Variants in GK5 observed in about 807,000 individuals in gnomAD.
GK5 encodes the protein glycerol kinase 5.
In GK5, 39 loss-of-function variants were observed where a neutral mutation model predicts 77.3. The observed-to-expected ratio is 0.50, with a 90% CI of 0.39 to 0.66. The LOEUF (loss-of-function observed/expected upper bound fraction) is 0.66, where lower values mean the gene tolerates loss of function less well. GK5 is among the 30% of genes least tolerant of loss of function. The pLI is 0.00. For missense variants in GK5, 487 were observed against 633.8 expected (o/e 0.77, Z 2.49); for synonymous variants, 211 against 208.0 (o/e 1.01, Z -0.13).
At chr3:142,212,322 C>A (rs1417324743) in intron 3 of GK5, among the ~76,000 whole-genome samples, 1 of 151,780 alleles carries the variant, frequency 6.6e-6, no homozygotes, top group African/African-American at 2.4e-5. Context: ...ATTGCTTGAG[C>A]CAAGGAATTC....
chr3:142,178,823 C>G (rs371181393), intron 11 of GK5, among the ~76,000 whole-genome samples: 1 of 152,162 alleles, frequency 6.6e-6, no homozygotes, highest in African/African-American at 2.4e-5. Context: ...CATTTAGAAC[C>G]AGCTTTAACA....
chr3:142,225,577 G>T lies in GK5; in HGVS notation c.-122C>A. 1 of 1,280,320 alleles carries T rather than the reference G, an allele frequency of 7.8e-7. No individual in the cohort carries two copies. Among genetic ancestry groups the T allele is most frequent in the Non-Finnish European group, 1.0e-6 (1 of 961,574 alleles). 79.3% of individuals were successfully genotyped at this position (1,280,320 alleles called of 1,614,324 possible). On this transcript the variant is annotated 5_prime_UTR_variant, in exon 1 of 16. Coordinates refer to ENST00000392993, the MANE Select transcript of GK5 (RefSeq NM_001039547.3). ...CAACCCGGCTCAGCCGGAGAGCCTAGAGAGGCCTGGCCCCTGCCGCCGGCT... is the reference window on the plus strand; with the variant it reads ...CAACCCGGCTCAGCCGGAGAGCCTATAGAGGCCTGGCCCCTGCCGCCGGCT...
chr3:142,174,267 A>G (rs961074844), intron 12 of GK5, among the ~76,000 whole-genome samples: 5 of 152,144 alleles, frequency 3.3e-5, no homozygotes, highest in African/African-American at 1.2e-4. Flanking sequence ...GAAATTCTAT[A>G]TTACATCTTA....
At chr3:142,196,178 A>G (rs1326629587) in intron 5 of GK5, among the ~76,000 whole-genome samples, 1 of 152,082 alleles carries the variant, frequency 6.6e-6, no homozygotes. Flanking sequence ...TAATATCCAT[A>G]ATTTCATAAT....
At chr3:142,169,819 T>C (rs1248248699) in intron 15 of GK5, among the ~76,000 whole-genome samples, 1 of 152,022 alleles carries the variant, frequency 6.6e-6, no homozygotes, top group Non-Finnish European at 1.5e-5. Context: ...ATTACAGGCA[T>C]GTGCCACCAT....
intron 10 of GK5, among the ~76,000 whole-genome samples, chr3:142,182,343 TAAG>T (rs1218747047): frequency 1.3e-5 from 2 of 151,958 alleles, no homozygotes; most frequent in Non-Finnish European, 2.9e-5. Context: ...AGAACCCTAG[TAAG>T]AAGATTTTTT....
intron 5 of GK5, among the ~76,000 whole-genome samples, chr3:142,195,572 G>A (rs2063922826): frequency 6.6e-6 from 1 of 152,062 alleles, no homozygotes; most frequent in African/African-American, 2.4e-5. Context: ...GGCTGGTCTT[G>A]AACTCCTGGG....
intron 9 of GK5, chr3:142,184,950 A>C (rs1188436569): frequency 1.0e-6 from 1 of 985,378 alleles, no homozygotes; most frequent in African/African-American, 1.7e-5. Context: ...TAGATTGAAT[A>C]AGACCGATCC....
At chr3:142,201,423 T>G (rs1211847950) in intron 4 of GK5, among the ~76,000 whole-genome samples, 1 of 152,220 alleles carries the variant, frequency 6.6e-6, no homozygotes, top group East Asian at 1.9e-4. Context: ...ATAACATTTT[T>G]CAAATTAGAA....
chr3:142,186,426 CA>C, intron 7 of GK5, 25 bp downstream of exon 7: 2 of 1,355,416 alleles, frequency 1.5e-6, no homozygotes, highest in Non-Finnish European at 2.0e-6. Context: ...ATGTGTGATT[CA>C]AAAAGAAGAA....
rs1297470110 is a variant in GK5 at position 142,186,638 on chromosome 3, T to C, written c.620-125A>G. ...TCCAAAATGTGTATTTTCTTTTTTT[T>C]TTTTTTTTTTTGAGACGGAGTTTCA... On this transcript the variant is annotated intron_variant, in intron 6 of 15. Transcript: ENST00000392993. The C allele has an allele frequency of 1.1e-5, 5 of 474,556 alleles. No individual in the cohort carries two copies. The East Asian group carries it at 1.8e-4, about 17-fold the overall frequency. The allele number at this position is 474,556 out of a possible 1,614,324, so 29.4% of individuals were successfully genotyped here.
At chr3:142,217,674 CTT>C (rs2107799215) in intron 1 of GK5, among the ~76,000 whole-genome samples, 1 of 152,224 alleles carries the variant, frequency 6.6e-6, no homozygotes, top group Admixed American at 6.5e-5. Flanking sequence ...CTCAGGAAAA[CTT>C]TACCAGAATG....
At chr3:142,178,059 T>A (rs913667668) in intron 11 of GK5, among the ~76,000 whole-genome samples, 3 of 152,068 alleles carry the variant, frequency 2.0e-5, no homozygotes, top group African/African-American at 7.2e-5. Context: ...GGTTTCTCCA[T>A]GTTGGTCAGG....
chr3:142,176,533 T>G (rs1204646869), intron 12 of GK5, among the ~76,000 whole-genome samples: 3 of 152,086 alleles, frequency 2.0e-5, no homozygotes, highest in South Asian at 4.1e-4. Context: ...TTAAAGGTAG[T>G]ATCAGAGATC....
Position 142,225,333 on chromosome 3 carries a change from C to T in GK5, c.123G>A (p.Arg41=), listed in dbSNP as rs1209817054. The T allele has an allele frequency of 6.4e-7, 1 of 1,553,400 alleles. No individual in the cohort carries two copies. The highest frequency in any genetic ancestry group is 2.4e-5 in the East Asian group (1 of 41,012). ...CCTTCTGCACGCTGGAGCCGCAGAC[C>T]CGCGCCGCCCGGTCATAGACGTGGC... ...IRCHVYDRAA[R]VCGSSVQKVE... The change falls in exon 1 of 16, where the codon CGG becomes CGA. Residue 41 remains arginine, a synonymous_variant. Transcript: ENST00000392993.
At chr3:142,170,096 G>T in intron 15 of GK5, 1 of 595,412 alleles carries the variant, frequency 1.7e-6, no homozygotes, top group South Asian at 1.9e-5. Context: ...AACTGTTCTT[G>T]TCTCATACTT....
At position 142,170,473 on chromosome 3, in the gene GK5, A is replaced by G. The variant is rs1248791431; in HGVS notation, c.1308-15T>C. The G allele has an allele frequency of 1.9e-6, 3 of 1,583,742 alleles. No homozygotes were observed. Among genetic ancestry groups the G allele is most frequent in the Non-Finnish European group, 2.6e-6 (3 of 1,159,910 alleles). On this transcript the variant is annotated splice_polypyrimidine_tract_variant and intron_variant, in intron 14 of 15. Transcript: ENST00000392993. ...CTCCATCTGCCCTGTGGGGAACAAA[A>G]TATGTAAGATGAATTACTACAACAA...
chr3:142,170,607 T>A, intron 14 of GK5, 149 bp from the exon 15 acceptor site: 1 of 649,534 alleles, frequency 1.5e-6, no homozygotes, highest in Admixed American at 3.1e-5. Context: ...ATTAACCTAA[T>A]GACAGAGAAC....
intron 15 of GK5, among the ~76,000 whole-genome samples, chr3:142,168,797 T>C (rs1488544596): frequency 7.1e-6 from 1 of 141,240 alleles, no homozygotes; most frequent in Non-Finnish European, 1.5e-5. Context: ...AACTCCTCTT[T>C]ATGAGGAGTC....
Sources: gnomAD v4.1 joint callset for allele counts (sites outside exome capture counted in the v4.1 genomes callset) on GRCh38, gnomAD v4.1.1 for gene constraint, MANE v1.5 for transcripts, NCBI Gene and HGNC (gene_info 2026-07-23, HGNC 2026-07-21) for gene names.